Variants in TAS2R1 observed in about 807,000 individuals in gnomAD.
The protein encoded by TAS2R1 is taste 2 receptor member 1.
For missense variants in TAS2R1, 370 were observed against 353.4 expected (o/e 1.05, Z -0.38); for synonymous variants, 141 against 134.2 (o/e 1.05, Z -0.35).
At chr5:9,726,345 C>T in the TAS2R1 span, among the ~76,000 whole-genome samples, 9 of 152,198 alleles carry the variant, frequency 5.9e-5, no homozygotes, top group East Asian at 5.8e-4. Context: ...CACCAATCAG[C>T]GCCCTGTCAA....
At chr5:9,694,771 T>C (rs1741325000) in intron 1 of TAS2R1, among the ~76,000 whole-genome samples, 1 of 152,254 alleles carries the variant, frequency 6.6e-6, no homozygotes, top group Admixed American at 6.5e-5. Flanking sequence ...AATTTCTTTT[T>C]ATCAAATTGC....
At chr5:9,884,436 T>C in the TAS2R1 span, among the ~76,000 whole-genome samples, 4 of 144,186 alleles carry the variant, frequency 2.8e-5, no homozygotes, top group African/African-American at 5.2e-5. Context: ...ATCGTGCCAC[T>C]GTACTCCAGC....
At chr5:9,827,890 T>C in the TAS2R1 span, among the ~76,000 whole-genome samples, 2 of 152,226 alleles carry the variant, frequency 1.3e-5, no homozygotes, top group Non-Finnish European at 1.5e-5. Flanking sequence ...TATGTACTTA[T>C]ATTTCAAACA....
the TAS2R1 span, among the ~76,000 whole-genome samples, chr5:9,720,386 G>A: frequency 6.6e-6 from 1 of 152,218 alleles, no homozygotes; most frequent in Non-Finnish European, 1.5e-5. Context: ...GGGCAAGTTG[G>A]GACATCTTCT....
chr5:9,752,353 A>G, the TAS2R1 span, among the ~76,000 whole-genome samples: 3 of 152,152 alleles, frequency 2.0e-5, no homozygotes, highest in African/African-American at 4.8e-5. Flanking sequence ...TCCAGGGTCC[A>G]TGTAGCTCTA....
the TAS2R1 span, among the ~76,000 whole-genome samples, chr5:9,772,241 T>G: frequency 3.3e-5 from 5 of 152,284 alleles, no homozygotes; most frequent in Admixed American, 2.6e-4. Flanking sequence ...TTCAATTTCC[T>G]TCTTAATTTC....
chr5:9,795,073 A>G, the TAS2R1 span, among the ~76,000 whole-genome samples: 1 of 152,022 alleles, frequency 6.6e-6, no homozygotes. Flanking sequence ...TTGTGGGGGG[A>G]CAGATATTCA....
chr5:9,636,508 G>T (rs550270998), intron 2 of TAS2R1, among the ~76,000 whole-genome samples: 194 of 152,118 alleles, frequency 1.3e-3, no homozygotes, highest in African/African-American at 4.3e-3. Context: ...TTTCTGTCTT[G>T]ATAAGCTGTC....
At chr5:9,876,367 C>T in the TAS2R1 span, among the ~76,000 whole-genome samples, 1 of 152,150 alleles carries the variant, frequency 6.6e-6, no homozygotes, top group Non-Finnish European at 1.5e-5. Context: ...CCTGAGCTTG[C>T]TTCTTTATAG....
At chr5:9,802,658 T>A in the TAS2R1 span, among the ~76,000 whole-genome samples, 2 of 152,094 alleles carry the variant, frequency 1.3e-5, no homozygotes, top group Non-Finnish European at 2.9e-5. Flanking sequence ...ATCCCAGCAA[T>A]TTCGGAGGCC....
At chr5:9,798,824 C>T in the TAS2R1 span, among the ~76,000 whole-genome samples, 2 of 152,190 alleles carry the variant, frequency 1.3e-5, no homozygotes, top group Admixed American at 6.5e-5. Context: ...CAATCTCTCC[C>T]GCAAACTCAG....
At chr5:9,651,349 T>C (rs1319880200) in intron 2 of TAS2R1, among the ~76,000 whole-genome samples, 4 of 152,170 alleles carry the variant, frequency 2.6e-5, no homozygotes, top group African/African-American at 9.7e-5. Flanking sequence ...CTTTCTACTA[T>C]GAAGGGAGTT....
At chr5:9,678,020 T>C (rs1161374494) in intron 1 of TAS2R1, among the ~76,000 whole-genome samples, 2 of 152,110 alleles carry the variant, frequency 1.3e-5, no homozygotes, top group African/African-American at 2.4e-5. Flanking sequence ...TGCAAAATTT[T>C]TGGAATCTAT....
rs1397126275 is a variant in TAS2R1 at position 9,712,083 on chromosome 5, T to C, written c.-242+89A>G. On this transcript the variant is annotated intron_variant, in intron 1 of 2. Transcript: ENST00000506620. The stretch of plus-strand genomic sequence containing the variant: ...GGGAATAGAAAGTGGGGTAACATCT[T>C]TCTTTGTTAGAGAATATTTTCATCT... 7 of 151,658 alleles carry C rather than the reference T, an allele frequency of 4.6e-5. No homozygotes were observed. In the East Asian group the frequency reaches 1.2e-3, roughly 25 times the overall value. 9.4% of individuals were successfully genotyped at this position (151,658 alleles called of 1,614,324 possible). A position where few individuals can be genotyped will look rare whatever the true frequency, so the allele number is the denominator to read the frequency against.
At chr5:9,701,968 G>T (rs1319505408) in intron 1 of TAS2R1, among the ~76,000 whole-genome samples, 1 of 152,120 alleles carries the variant, frequency 6.6e-6, no homozygotes. Flanking sequence ...TGCCCAAAAG[G>T]TCATTTTATG....
chr5:9,669,697 A>C (rs549448008), intron 1 of TAS2R1, among the ~76,000 whole-genome samples: 2 of 152,126 alleles, frequency 1.3e-5, no homozygotes. Context: ...GAAATCAAGA[A>C]ATTCTTTGAA....
chr5:9,670,704 C>A (rs1298080150), intron 1 of TAS2R1, among the ~76,000 whole-genome samples: 1 of 152,104 alleles, frequency 6.6e-6, no homozygotes, highest in Non-Finnish European at 1.5e-5. Context: ...CCAAATTCTA[C>A]CAGATGTATA....
chr5:9,850,528 T>G, the TAS2R1 span, among the ~76,000 whole-genome samples: 1 of 152,230 alleles, frequency 6.6e-6, no homozygotes, highest in Non-Finnish European at 1.5e-5. Context: ...CTGCAGATGT[T>G]GCCCATTGTA....
intron 1 of TAS2R1, among the ~76,000 whole-genome samples, chr5:9,678,781 G>C (rs921779456): frequency 6.6e-6 from 1 of 152,094 alleles, no homozygotes; most frequent in East Asian, 1.9e-4. Flanking sequence ...GAGCCTGTTG[G>C]GGGGTTTGGG....
Sources: gnomAD v4.1 joint callset for allele counts (sites outside exome capture counted in the v4.1 genomes callset) on GRCh38, gnomAD v4.1.1 for gene constraint, MANE v1.5 for transcripts, NCBI Gene and HGNC (gene_info 2026-07-23, HGNC 2026-07-21) for gene names.